SQLE: variants seen among roughly 807,000 people sequenced by gnomAD.
SQLE encodes the protein squalene monooxygenase.
A neutral mutation model predicts 60.7 loss-of-function variants in SQLE; 29 were observed. That is an observed-to-expected ratio of 0.48 (90% confidence interval 0.36 to 0.65). SQLE has a LOEUF of 0.65. Ranked by LOEUF, SQLE falls within the 30% of genes least tolerant of loss-of-function variation. The probability of loss-of-function intolerance (pLI) is 0.00; values close to 1 mark genes in which losing one functional copy is unlikely to be tolerated. For synonymous variants in SQLE, 237 were observed against 246.8 expected (o/e 0.96, Z 0.37); for missense variants, 605 against 684.1 (o/e 0.88, Z 1.29).
chr8:125,013,553 A>G (rs191057866), intron 7 of SQLE, among the ~76,000 whole-genome samples: 1,547 of 151,938 alleles, frequency 0.01, 24 homozygotes, highest in Middle Eastern at 0.027. Context: ...GGGTTTCGCC[A>G]TGTTGGCCAG....
chr8:125,015,141 A>G (rs1815091764), intron 7 of SQLE, among the ~76,000 whole-genome samples: 1 of 152,142 alleles, frequency 6.6e-6, no homozygotes, highest in Non-Finnish European at 1.5e-5. Context: ...CCCCTTTATC[A>G]TTATCTAATG....
At chr8:125,003,691 C>T (rs1814901364) in intron 2 of SQLE, among the ~76,000 whole-genome samples, 1 of 151,974 alleles carries the variant, frequency 6.6e-6, no homozygotes, top group Non-Finnish European at 1.5e-5. Context: ...ACTGGAAAAT[C>T]CTAGAATGAG....
intron 6 of SQLE, among the ~76,000 whole-genome samples, chr8:125,010,570 A>G (rs1815023083): frequency 6.6e-6 from 1 of 152,144 alleles, no homozygotes. Flanking sequence ...ATTAACAGAA[A>G]TGAAGTGAAA....
Position 125,003,390 on chromosome 8 carries a change from C to T in SQLE, c.506C>T (p.Pro169Leu), listed in dbSNP as rs747188670. 1.1e-5 allele frequency: 17 copies of T among 1,613,690 alleles called. No homozygotes were observed. The highest frequency in any genetic ancestry group is 2.2e-5 in the South Asian group (2 of 91,068). The change falls in exon 2 of 11, where the codon CCG becomes CTG. Residue 169 changes from proline to leucine, a missense_variant. Physicochemically the swap from Pro to Leu is moderately conservative, Grantham distance 98 (BLOSUM62 -3). Coordinates refer to ENST00000265896, the MANE Select transcript of SQLE (RefSeq NM_003129.4). The part of the protein sequence containing the change: ...PDRIVGEFLQ[P>L]GGYHVLKDLG... Reference sequence around the variant, plus strand: ...AGAATAGTTGGAGAATTCCTGCAGCCGGGTGGTTATCATGTTCTCAAAGAC... The same window carrying T: ...AGAATAGTTGGAGAATTCCTGCAGCTGGGTGGTTATCATGTTCTCAAAGAC...
rs533728983 is a variant in SQLE at position 125,000,376 on chromosome 8, C to A, written c.291+682C>A. 2.6e-5 allele frequency among the ~76,000 whole-genome samples: 4 copies of A among 152,308 alleles called. No individual in the cohort carries two copies. In the South Asian group the frequency reaches 8.3e-4, roughly 32 times the overall value. Reference sequence around the variant, plus strand: ...GGCAATGAGTGTTCGGGCTTTTTCCCAAGAGTTCTCCCAAGAACACTGGAG... The same window carrying A: ...GGCAATGAGTGTTCGGGCTTTTTCCAAAGAGTTCTCCCAAGAACACTGGAG... On this transcript the variant is annotated intron_variant, in intron 1 of 10. Coordinates refer to ENST00000265896, the MANE Select transcript of SQLE (RefSeq NM_003129.4).
chr8:125,002,533 C>A (rs1365654948), intron 1 of SQLE, among the ~76,000 whole-genome samples: 2 of 151,992 alleles, frequency 1.3e-5, no homozygotes, highest in Admixed American at 6.6e-5. Context: ...CAAAATTAGC[C>A]GGGCATGGTT....
chr8:125,006,129 G>A (rs1026806332), intron 3 of SQLE, among the ~76,000 whole-genome samples: 3 of 152,112 alleles, frequency 2.0e-5, no homozygotes, highest in African/African-American at 7.2e-5. Context: ...TGTTAGGACT[G>A]GCTTCTTCTC....
In SQLE at chr8:125,007,268, G is replaced by T. The variant is rs955938547; in HGVS notation, c.726-123G>T. 9 of 526,554 alleles carry T rather than the reference G, an allele frequency of 1.7e-5. No homozygotes were observed. In the African/African-American group the frequency reaches 1.7e-4, roughly 10 times the overall value. The allele number at this position is 526,554 out of a possible 1,614,324, so 32.6% of individuals were successfully genotyped here. On this transcript the variant is annotated intron_variant, in intron 3 of 10. Transcript: ENST00000265896. The stretch of plus-strand genomic sequence containing the variant: ...ATTAGAAAATAAAAAACACACATTG[G>T]ACACGTGTTTGCACACACATGCATG...
chr8:125,015,108 G>A (rs1815091272), intron 7 of SQLE, among the ~76,000 whole-genome samples: 1 of 152,142 alleles, frequency 6.6e-6, no homozygotes, highest in African/African-American at 2.4e-5. Flanking sequence ...ATATGTAATT[G>A]TTACATCCTC....
chr8:124,999,609 T>G lies in SQLE; in HGVS notation c.206T>G (p.Ile69Ser). 1 of 1,613,652 alleles carries G rather than the reference T, an allele frequency of 6.2e-7. No homozygotes were observed. Among genetic ancestry groups the G allele is most frequent in the Non-Finnish European group, 8.5e-7 (1 of 1,179,764 alleles). The change falls in exon 1 of 11, where the codon ATT becomes AGT. Residue 69 changes from isoleucine to serine, a missense_variant. By Grantham distance (142) the Ile-to-Ser change is moderately radical (BLOSUM62 -2). Transcript: ENST00000265896. ...TCCCAGTTCGCCCTCTTCTCGGATA[T>G]TCTCTCAGGCCTGCCTTTCATTGGC... Reference protein sequence around the residue: ...SGSQFALFSDILSGLPFIGFF... With the variant: ...SGSQFALFSDSLSGLPFIGFF...
Position 125,020,511 on chromosome 8 carries a change from C to G in SQLE, c.1445-273C>G, listed in dbSNP as rs143177747. On this transcript the variant is annotated intron_variant, in intron 9 of 10. Transcript: ENST00000265896. ...TTTGCATCACTTAATGAATTAACAGCAAAATCAAGGAAGTACCTTTTAAAC... is the reference window on the plus strand; with the variant it reads ...TTTGCATCACTTAATGAATTAACAGGAAAATCAAGGAAGTACCTTTTAAAC... Among the ~76,000 whole-genome samples, 9 of 152,188 alleles carry G rather than the reference C, an allele frequency of 5.9e-5. No individual in the cohort carries two copies. The East Asian group carries it at 1.7e-3, about 29-fold the overall frequency.
intron 4 of SQLE, among the ~76,000 whole-genome samples, 197 bp downstream of exon 4, chr8:125,007,684 T>C (rs4870933): frequency 0.35 from 52,620 of 152,100 alleles, 9,933 homozygotes; most frequent in Middle Eastern, 0.5. Flanking sequence ...ATCTCTAATC[T>C]GAAAATCTGA....
chr8:125,004,129 T>C (rs1051947300), intron 2 of SQLE, among the ~76,000 whole-genome samples: 1 of 152,192 alleles, frequency 6.6e-6, no homozygotes, highest in East Asian at 1.9e-4. Flanking sequence ...CTAATATATA[T>C]ACTAGAGTCC....
In SQLE at chr8:125,003,355, A is replaced by C; in HGVS notation, c.471A>C (p.Lys157Asn). The change falls in exon 2 of 11, where the codon AAA becomes AAC. Residue 157 changes from lysine to asparagine, a missense_variant. Coordinates refer to ENST00000265896, the MANE Select transcript of SQLE (RefSeq NM_003129.4). ...RKVTVIERDL[K>N]EPDRIVGEFL... is the part of the protein sequence containing the mutation. ...TGACAGTCATTGAGAGAGACTTAAA[A>C]GAGCCTGACAGAATAGTTGGAGAAT... 1 of 1,614,010 alleles carries C rather than the reference A, an allele frequency of 6.2e-7. No individual in the cohort carries two copies. Among genetic ancestry groups the C allele is most frequent in the South Asian group, 1.1e-5 (1 of 91,080 alleles).
Position 125,016,384 on chromosome 8 carries a change from T to G in SQLE, c.1205-1675T>G, listed in dbSNP as rs1372395308. The stretch of plus-strand genomic sequence containing the variant: ...TCTTCTGCTTGATCAGTTCTACTGT[T>G]GAGATTCTGCCATGTTCTTCAGTAA... On this transcript the variant is annotated intron_variant, in intron 7 of 10. Transcript: ENST00000265896. This position sits in a 1 kb window ranked among gnomAD's most constrained non-coding sequence, Gnocchi z 4.1. Among the ~76,000 whole-genome samples, 2 of 152,192 alleles carry G rather than the reference T, an allele frequency of 1.3e-5. No homozygotes were observed. Among genetic ancestry groups the G allele is most frequent in the East Asian group, 3.9e-4 (2 of 5,174 alleles).
intron 7 of SQLE, among the ~76,000 whole-genome samples, chr8:125,014,240 A>G (rs1815079094): frequency 6.6e-6 from 1 of 152,226 alleles, no homozygotes; most frequent in Non-Finnish European, 1.5e-5. Flanking sequence ...CTTGATGTAA[A>G]TTCCAGGTTT....
Position 124,998,717 on chromosome 8 carries a change from C to A in SQLE, c.-687C>A. On this transcript the variant is annotated 5_prime_UTR_variant, in exon 1 of 11. Transcript: ENST00000265896. Reference sequence around the variant, plus strand: ...TGGGCGGCTCTGGGGGCCAGCGAAACGGGAGGCCTCTAAATCTTTAGGTTG... The same window carrying A: ...TGGGCGGCTCTGGGGGCCAGCGAAAAGGGAGGCCTCTAAATCTTTAGGTTG... 1.7e-6 allele frequency: 1 copy of A among 592,244 alleles called. No individual in the cohort carries two copies. The highest frequency in any genetic ancestry group is 3.1e-6 in the Non-Finnish European group (1 of 327,366). 36.7% of individuals were successfully genotyped at this position (592,244 alleles called of 1,614,324 possible). A position where few individuals can be genotyped will look rare whatever the true frequency, so the allele number is the denominator to read the frequency against.
intron 9 of SQLE, among the ~76,000 whole-genome samples, chr8:125,019,513 G>C (rs565565824): frequency 2.0e-5 from 3 of 152,130 alleles, no homozygotes; most frequent in Non-Finnish European, 4.4e-5. Context: ...GCTATATATA[G>C]TGAGCTATAT....
chr8:125,005,327 T>C (rs1814928965), intron 2 of SQLE, among the ~76,000 whole-genome samples, 198 bp from the exon 3 acceptor site: 1 of 152,038 alleles, frequency 6.6e-6, no homozygotes, highest in Admixed American at 6.6e-5. Context: ...TATCTTTAAA[T>C]GATATTACAG....
Sources: allele counts gnomAD v4.1 joint callset (sites outside exome capture counted in the v4.1 genomes callset), GRCh38; gene constraint gnomAD v4.1.1; non-coding constraint Gnocchi (gnomAD v3.1); transcripts MANE v1.5; gene names NCBI Gene and HGNC (gene_info 2026-07-23, HGNC 2026-07-21).